Variants in TPX2 observed in about 807,000 individuals in gnomAD.
TPX2 encodes targeting protein for Xklp2.
Under a neutral mutation model 93.6 loss-of-function variants are expected in TPX2, and 21 were observed. That is an observed-to-expected ratio of 0.22 (90% CI 0.16 to 0.32). TPX2 has a LOEUF of 0.32. Ranked by LOEUF, TPX2 falls within the 10% of genes least tolerant of loss-of-function variation. The pLI is 1.00. For synonymous variants in TPX2, 281 were observed against 298.3 expected (o/e 0.94, Z 0.60); for missense variants, 776 against 871.1 (o/e 0.89, Z 1.37).
chr20:31,766,862 A>G (rs911512913), intron 5 of TPX2, among the ~76,000 whole-genome samples, 180 bp downstream of exon 5: 1 of 137,808 alleles, frequency 7.3e-6, no homozygotes, highest in African/African-American at 2.8e-5. Context: ...GTGAAGTGGC[A>G]TGATCTTGGC....
At position 31,792,863 on chromosome 20, in the gene TPX2, C is replaced by T. The variant is rs112244035; in HGVS notation, c.1509+33C>T. ...CCTGGGAGTAGGGGGGTTCTTTTTC[C>T]TTCTATATAGTCAGTCAATCTAAGC... On this transcript the variant is annotated intron_variant, in intron 13 of 17. Transcript: ENST00000300403. 37 of 1,579,696 alleles carry T rather than the reference C, an allele frequency of 2.3e-5. 1 individual carries two copies. In the African/African-American group the frequency reaches 3.2e-4, roughly 14 times the overall value.
At chr20:31,792,852 G>T in intron 13 of TPX2, 22 bp downstream of exon 13, 1 of 1,607,464 alleles carries the variant, frequency 6.2e-7, no homozygotes, top group Non-Finnish European at 8.5e-7. Context: ...GGAGTAGGGG[G>T]GTTCTTTTTC....
At position 31,757,569 on chromosome 20, in the gene TPX2, A is replaced by G. The variant is rs771317705; in HGVS notation, c.93A>G (p.Ile31Met). The G allele has an allele frequency of 6.2e-7, 1 of 1,613,564 alleles. No individual in the cohort carries two copies. The highest frequency in any genetic ancestry group is 1.1e-5 in the South Asian group (1 of 91,056). The change falls in exon 3 of 18, where the codon ATA (isoleucine) becomes ATG (methionine). Residue 31 changes from isoleucine to methionine, a missense_variant. By Grantham distance (10) the Ile-to-Met change is conservative (BLOSUM62 1). Around this residue, in one of 3 missense-constraint regions of TPX2, gnomAD observed 36 missense variants for 58.3 expected, o/e 0.62. Coordinates refer to ENST00000300403, the MANE Select transcript of TPX2 (RefSeq NM_012112.5). ...SLDDEGDTQNIDSWFEEKANL... is the reference protein window; with the variant it reads ...SLDDEGDTQNMDSWFEEKANL... ...ATGATGAAGGAGATACTCAAAACAT[A>G]GATTCATGGTTTGGTAAGTGCCTGC...
At chr20:31,750,975 G>A (rs575095437) in intron 2 of TPX2, among the ~76,000 whole-genome samples, 5 of 152,118 alleles carry the variant, frequency 3.3e-5, no homozygotes, top group African/African-American at 7.2e-5. Context: ...TGGTGCAATC[G>A]TGGGTCACTG....
chr20:31,773,143 A>ATTTTTTTTTTT (rs769516478), intron 7 of TPX2, among the ~76,000 whole-genome samples: 5 of 102,344 alleles, frequency 4.9e-5, no homozygotes, highest in African/African-American at 2.0e-4. Context: ...CACCCGGCTA[A>ATTTTTTTTTTT]TTTTTTTTTT....
rs2061740551 is a variant in TPX2, at chr20:31,739,355, G to T, written c.-444G>T. 6.6e-6 allele frequency: 1 copy of T among 152,278 alleles called. No homozygotes were observed. Among genetic ancestry groups the T allele is most frequent in the Admixed American group, 6.5e-5 (1 of 15,292 alleles). 9.4% of individuals were successfully genotyped at this position (152,278 alleles called of 1,614,324 possible). ...GATCTGAGGCGAGGCTAGGTGAGCCGTGGGAAGAAAAGAGGGAGCAGCTAG... is the reference window on the plus strand; with the variant it reads ...GATCTGAGGCGAGGCTAGGTGAGCCTTGGGAAGAAAAGAGGGAGCAGCTAG... On this transcript the variant is annotated 5_prime_UTR_variant, in exon 1 of 18. Coordinates refer to ENST00000300403, the MANE Select transcript of TPX2 (RefSeq NM_012112.5).
intron 2 of TPX2, 38 bp from the exon 3 acceptor site, chr20:31,757,369 A>G: frequency 2.3e-6 from 2 of 874,182 alleles, no homozygotes; most frequent in Non-Finnish European, 3.6e-6. Flanking sequence ...AATGATGGGA[A>G]TTTACTTAGA....
At chr20:31,766,457 G>GTGTGTGTGTGTGTGTGTGTA in intron 4 of TPX2, 99 bp from the exon 5 acceptor site, 9 of 598,694 alleles carry the variant, frequency 1.5e-5, no homozygotes, top group South Asian at 6.3e-5. Flanking sequence ...TAGACAGGGT[G>GTGTGTGTGTGTGTGTGTGTA]TGTGTGTGTG....
intron 7 of TPX2, among the ~76,000 whole-genome samples, chr20:31,772,493 T>C (rs1411110773): frequency 6.6e-6 from 1 of 152,226 alleles, no homozygotes; most frequent in African/African-American, 2.4e-5. Context: ...CAGAAAAATA[T>C]ACTGTTGAAG....
Position 31,801,183 on chromosome 20 carries a change from C to T in TPX2, c.*103C>T. Reference sequence around the variant, plus strand: ...CATTGGGCATGGAGAGAACCCATTTCTCCAGACTTTTACCTACCCGTGCCT... The same window carrying T: ...CATTGGGCATGGAGAGAACCCATTTTTCCAGACTTTTACCTACCCGTGCCT... On this transcript the variant is annotated 3_prime_UTR_variant, in exon 18 of 18. Transcript: ENST00000300403. 9.8e-7 allele frequency: 1 copy of T among 1,016,586 alleles called. No individual in the cohort carries two copies. Among genetic ancestry groups the T allele is most frequent in the South Asian group, 1.4e-5 (1 of 69,836 alleles). 63.0% of individuals were successfully genotyped at this position (1,016,586 alleles called of 1,614,324 possible).
At chr20:31,740,656 A>G (rs1243862707) in intron 1 of TPX2, among the ~76,000 whole-genome samples, 1 of 152,242 alleles carries the variant, frequency 6.6e-6, no homozygotes, top group Non-Finnish European at 1.5e-5. Flanking sequence ...ACATGGTTTG[A>G]AATTGGCAAG....
intron 12 of TPX2, 25 bp from the exon 13 acceptor site, chr20:31,792,710 T>C: frequency 6.3e-7 from 1 of 1,589,024 alleles, no homozygotes; most frequent in Non-Finnish European, 8.6e-7. Context: ...TTGTGATATC[T>C]AATTGAGTTG....
chr20:31,744,913 C>T (rs2061774903), intron 2 of TPX2, among the ~76,000 whole-genome samples: 1 of 152,006 alleles, frequency 6.6e-6, no homozygotes, highest in South Asian at 2.1e-4. Flanking sequence ...ATGGTGAAAC[C>T]CTGTCTCTAC....
At position 31,794,786 on chromosome 20, in the gene TPX2, G is replaced by GTGTGTA. The variant is rs1435517989; in HGVS notation, c.1833+244_1833+249dup. On this transcript the variant is annotated intron_variant, in intron 15 of 17. Transcript: ENST00000300403. ...TGTGTGTGTGTGTGTGTGTGTGTGT[G>GTGTGTA]TGTGTATGTGTGTGTGTACGCACAC... Among the ~76,000 whole-genome samples, 229 of 151,186 alleles carry GTGTGTA rather than the reference G, an allele frequency of 1.5e-3. 2 individuals carry two copies. The highest frequency in any genetic ancestry group is 5.4e-3 in the African/African-American group (224 of 41,298).
chr20:31,776,332 G>A (rs966655061), intron 8 of TPX2, among the ~76,000 whole-genome samples: 3 of 151,194 alleles, frequency 2.0e-5, no homozygotes, highest in South Asian at 4.2e-4. Flanking sequence ...CACCCGCCTC[G>A]GCCTCCCAAA....
chr20:31,772,125 A>G (rs2061968043), intron 7 of TPX2, among the ~76,000 whole-genome samples: 1 of 151,482 alleles, frequency 6.6e-6, no homozygotes, highest in Non-Finnish European at 1.5e-5. Context: ...AGTTCAAACA[A>G]TTCTCCTGCC....
At chr20:31,795,022 C>T (rs760729023) in intron 15 of TPX2, among the ~76,000 whole-genome samples, 1 of 152,004 alleles carries the variant, frequency 6.6e-6, no homozygotes, top group Admixed American at 6.6e-5. Flanking sequence ...GGGGTTTCAC[C>T]GTGTTAGCCA....
At chr20:31,779,013 A>C (rs750338084) in intron 10 of TPX2, 29 bp downstream of exon 10, 1 of 1,533,312 alleles carries the variant, frequency 6.5e-7, no homozygotes, top group Non-Finnish European at 8.7e-7. Context: ...TCACAGTTGG[A>C]TGGAACCTCT....
chr20:31,798,493 G>A lies in TPX2; in HGVS notation c.2074G>A (p.Ala692Thr). ...CCAGAAAGCCCAGCAGTTGGAGGAG[G>A]CCAGACTACAGGAGGAAGAGCAGAA... ...EAQKAQQLEE[A>T]RLQEEEQKKE... Residue 692 changes from alanine to threonine, a missense_variant, in exon 17 of 18, where the codon GCC (alanine) becomes ACC (threonine). This residue lies in a region of TPX2 where 461 missense variants were observed against 551.2 expected (regional missense o/e 0.84). Transcript: ENST00000300403. The A allele has an allele frequency of 6.2e-7, 1 of 1,613,496 alleles. No homozygotes were observed. Among genetic ancestry groups the A allele is most frequent in the South Asian group, 1.1e-5 (1 of 91,034 alleles).
Sources: allele counts gnomAD v4.1 joint callset (sites outside exome capture counted in the v4.1 genomes callset), GRCh38; gene constraint gnomAD v4.1.1; regional missense constraint gnomAD v4.1.1; transcripts MANE v1.5; gene names NCBI Gene and HGNC (gene_info 2026-07-23, HGNC 2026-07-21).